The following LRRC37A2 variants were observed in gnomAD, a reference collection of about 807,000 sequenced individuals.
LRRC37A2 encodes the protein leucine rich repeat containing 37 member A2.
A neutral mutation model predicts 68.8 loss-of-function variants in LRRC37A2; 9 were observed. That is an observed-to-expected ratio of 0.13 (90% confidence interval 0.08 to 0.23). LRRC37A2 has a LOEUF of 0.23. Among genes scored for constraint, LRRC37A2 ranks in the 10% least tolerant of loss-of-function variants. The pLI, the probability that LRRC37A2 is intolerant of heterozygous loss-of-function variation, is 1.00. For missense variants in LRRC37A2, 168 were observed against 950.4 expected, an observed-to-expected ratio of 0.18 and a Z score of 10.82; for synonymous variants, 63 against 367.6, an observed-to-expected ratio of 0.17 and a Z score of 9.48.
the LRRC37A2 span, among the ~76,000 whole-genome samples, chr17:47,026,865 G>T: frequency 6.6e-6 from 1 of 152,080 alleles, no homozygotes; most frequent in African/African-American, 2.4e-5. Flanking sequence ...AACTGGCTTA[G>T]GAAAACAGAC....
chr17:46,777,170 G>A, the LRRC37A2 span, among the ~76,000 whole-genome samples: 209 of 152,218 alleles, frequency 1.4e-3, no homozygotes, highest in African/African-American at 4.8e-3. Context: ...AGATCATGCC[G>A]CTGCACTCCA....
At chr17:46,973,394 C>T in the LRRC37A2 span, among the ~76,000 whole-genome samples, 2 of 152,020 alleles carry the variant, frequency 1.3e-5, no homozygotes, top group Admixed American at 6.6e-5. Context: ...AACTCGTGGG[C>T]TCAAGTGATT....
the LRRC37A2 span, among the ~76,000 whole-genome samples, chr17:46,840,000 C>CTTCTTTCTTTCT: frequency 1.3e-3 from 161 of 125,160 alleles, 5 homozygotes; most frequent in African/African-American, 5.1e-3. Context: ...TTTTTTCTTT[C>CTTCTTTCTTTCT]TTCTTTCTTT....
At chr17:46,929,565 A>C in the LRRC37A2 span, 1 of 1,545,012 alleles carries the variant, frequency 6.5e-7, no homozygotes, top group South Asian at 1.1e-5. Flanking sequence ...TGGAGACGGC[A>C]GACAAGCAGT....
the LRRC37A2 span, among the ~76,000 whole-genome samples, chr17:46,743,853 AGT>A: frequency 1.3e-5 from 2 of 152,014 alleles, no homozygotes; most frequent in Non-Finnish European, 2.9e-5. Flanking sequence ...TATTTCCCTT[AGT>A]TTAGCATCCC....
chr17:46,790,572 C>T, the LRRC37A2 span, among the ~76,000 whole-genome samples: 1 of 152,254 alleles, frequency 6.6e-6, no homozygotes, highest in East Asian at 1.9e-4. Context: ...CCCCCTGGGC[C>T]CCACCTCCTA....
chr17:46,948,145 C>G, the LRRC37A2 span, among the ~76,000 whole-genome samples: 1 of 152,210 alleles, frequency 6.6e-6, no homozygotes, highest in African/African-American at 2.4e-5. Context: ...AAGATCAGCT[C>G]TGCCCTTTAG....
chr17:47,036,454 G>C, the LRRC37A2 span, among the ~76,000 whole-genome samples: 3 of 152,178 alleles, frequency 2.0e-5, no homozygotes, highest in African/African-American at 7.2e-5. Context: ...GTTTGTCTAA[G>C]AGTCTTATCA....
the LRRC37A2 span, among the ~76,000 whole-genome samples, chr17:47,013,474 A>C: frequency 6.6e-6 from 1 of 152,198 alleles, no homozygotes; most frequent in East Asian, 1.9e-4. Context: ...AGCATTTTTA[A>C]AATTTCTGGT....
the LRRC37A2 span, among the ~76,000 whole-genome samples, chr17:47,005,391 C>T: frequency 1.1e-4 from 16 of 152,128 alleles, no homozygotes; most frequent in African/African-American, 3.6e-4. Context: ...TTCAGCTTCC[C>T]GTGAGCAACT....
At chr17:46,679,840 A>G in the LRRC37A2 span, among the ~76,000 whole-genome samples, 4 of 151,816 alleles carry the variant, frequency 2.6e-5, no homozygotes, top group Admixed American at 2.6e-4. Flanking sequence ...AAGGCAAGAA[A>G]GAAATAACAA....
chr17:46,799,740 G>A, the LRRC37A2 span, among the ~76,000 whole-genome samples: 1 of 152,142 alleles, frequency 6.6e-6, no homozygotes, highest in African/African-American at 2.4e-5. Flanking sequence ...GAGCCACTGC[G>A]CCTAGCCAGT....
At chr17:46,400,841 C>T in the LRRC37A2 span, among the ~76,000 whole-genome samples, 1 of 113,766 alleles carries the variant, frequency 8.8e-6, no homozygotes, top group African/African-American at 3.0e-5. Flanking sequence ...CTTGGCTTAC[C>T]ATAAAAACAC....
the LRRC37A2 span, among the ~76,000 whole-genome samples, chr17:46,715,447 T>C: frequency 6.6e-6 from 1 of 152,250 alleles, no homozygotes; most frequent in Non-Finnish European, 1.5e-5. Context: ...CATTTATTTA[T>C]TGAATAGCTA....
chr17:46,489,473 T>G, the LRRC37A2 span, among the ~76,000 whole-genome samples: 1 of 143,404 alleles, frequency 7.0e-6, no homozygotes. Context: ...CTTGTTTGTT[T>G]TTTGTTTGTT....
In LRRC37A2 at chr17:46,535,006, A is replaced by G. The variant is rs1347943968; in HGVS notation, c.2907-5170A>G. On this transcript the variant is annotated intron_variant, in intron 6 of 14. Coordinates refer to ENST00000576629, the Ensembl canonical transcript of LRRC37A2. ...CAGAGATGCTCCTCACCTCCCAGAC[A>G]GGGTCGCGGCCGGGCAGAGGCGCTC... is the stretch of plus-strand genomic sequence containing the variant. Among the ~76,000 whole-genome samples, 14 of 147,104 alleles carry G rather than the reference A, an allele frequency of 9.5e-5. 1 individual carries two copies. Among genetic ancestry groups the G allele is most frequent in the African/African-American group, 3.4e-4 (13 of 37,704 alleles).
chr17:46,769,814 A>G, the LRRC37A2 span: 1 of 1,612,696 alleles, frequency 6.2e-7, no homozygotes, highest in Non-Finnish European at 8.5e-7. Context: ...GTGCTTGTTC[A>G]TGGCCGAGCG....
chr17:46,394,758 T>C, the LRRC37A2 span, among the ~76,000 whole-genome samples: 1 of 19,796 alleles, frequency 5.1e-5, no homozygotes, highest in Non-Finnish European at 1.4e-4. Context: ...AAACTAAACA[T>C]AGAATAACTC....
the LRRC37A2 span, among the ~76,000 whole-genome samples, chr17:46,957,760 A>G: frequency 5.3e-5 from 8 of 152,222 alleles, no homozygotes; most frequent in Non-Finnish European, 1.2e-4. Flanking sequence ...TTGAACCTGT[A>G]TTTGGTAGAA....
Sources: gnomAD v4.1 joint callset for allele counts (sites outside exome capture counted in the v4.1 genomes callset) on GRCh38, gnomAD v4.1.1 for gene constraint, MANE v1.5 for transcripts, NCBI Gene and HGNC (gene_info 2026-07-23, HGNC 2026-07-21) for gene names.